Variants in OGDH observed in about 807,000 individuals in gnomAD.
OGDH encodes the protein 2-oxoglutarate dehydrogenase complex component E1.
Under a neutral mutation model 116.6 loss-of-function variants are expected in OGDH, and 38 were observed. The observed-to-expected ratio is 0.33, with a 90% CI of 0.25 to 0.43. OGDH has a LOEUF of 0.43. Ranked by LOEUF, OGDH falls within the 20% of genes least tolerant of loss-of-function variation. OGDH has a pLI of 1.00. For missense variants in OGDH, 825 were observed against 1,357.2 expected (o/e 0.61, Z 6.16); for synonymous variants, 488 against 533.3 (o/e 0.92, Z 1.17).
chr7:44,638,562 C>T (rs1410131551), intron 2 of OGDH, among the ~76,000 whole-genome samples: 1 of 152,206 alleles, frequency 6.6e-6, no homozygotes, highest in African/African-American at 2.4e-5. Context: ...CCCCTGCCTA[C>T]ATCAGACTGC....
At chr7:44,613,930 C>T (rs896662990) in intron 1 of OGDH, among the ~76,000 whole-genome samples, 2 of 151,670 alleles carry the variant, frequency 1.3e-5, no homozygotes, top group African/African-American at 4.8e-5. Context: ...CCTCAGCCTC[C>T]CGAGTAGCTG....
intron 1 of OGDH, among the ~76,000 whole-genome samples, chr7:44,618,516 T>C (rs1275611005): frequency 6.6e-6 from 1 of 152,220 alleles, no homozygotes; most frequent in Admixed American, 6.5e-5. Context: ...TTTTTGTCCA[T>C]GATTCCTGGT....
At chr7:44,679,554 A>C (rs1562667138) in intron 9 of OGDH, among the ~76,000 whole-genome samples, 2 of 152,180 alleles carry the variant, frequency 1.3e-5, no homozygotes, top group Non-Finnish European at 2.9e-5. Context: ...GAACTCAGGG[A>C]GGTGCAGGTC....
chr7:44,707,404 G>A lies in OGDH; in HGVS notation c.2796+16G>A. 1 of 1,613,802 alleles carries A rather than the reference G, an allele frequency of 6.2e-7. No homozygotes were observed. Among genetic ancestry groups the A allele is most frequent in the South Asian group, 1.1e-5 (1 of 91,068 alleles). ...GATTGAGCAGGTGAGGGCAGGTGGT[G>A]CCATCAGGGTGTCCCCCCAGCGGGG... On this transcript the variant is annotated intron_variant, in intron 21 of 22. Coordinates refer to ENST00000222673, the MANE Select transcript of OGDH (RefSeq NM_002541.4). This position sits in a 1 kb window ranked among gnomAD's most constrained non-coding sequence, Gnocchi z 5.2.
chr7:44,687,924 C>G (rs1027150443), intron 10 of OGDH, among the ~76,000 whole-genome samples: 3 of 152,138 alleles, frequency 2.0e-5, no homozygotes, highest in African/African-American at 7.2e-5. Flanking sequence ...TCCTACCCCT[C>G]CATCCTCCCA....
At chr7:44,691,562 A>T (rs2116321467) in intron 10 of OGDH, among the ~76,000 whole-genome samples, 2 of 152,076 alleles carry the variant, frequency 1.3e-5, no homozygotes, top group Admixed American at 1.3e-4. Flanking sequence ...TTTTTGTCAA[A>T]ACCATATTTG....
At chr7:44,651,893 G>T (rs1003797921) in intron 4 of OGDH, among the ~76,000 whole-genome samples, 1 of 151,078 alleles carries the variant, frequency 6.6e-6, no homozygotes, top group Non-Finnish European at 1.5e-5. Context: ...GTAGAGACAG[G>T]GTTTCACCAC....
intron 7 of OGDH, 80 bp from the exon 8 acceptor site, chr7:44,675,098 G>A: frequency 9.1e-7 from 1 of 1,098,196 alleles, no homozygotes; most frequent in South Asian, 1.3e-5. Flanking sequence ...GAGGGGGAGG[G>A]GGGGATTGTA....
At chr7:44,700,551 G>A (rs534586869) in intron 19 of OGDH, among the ~76,000 whole-genome samples, 1 of 152,354 alleles carries the variant, frequency 6.6e-6, no homozygotes, top group South Asian at 2.1e-4. Context: ...CCGGTGGGGA[G>A]GACGGATGTT....
intron 10 of OGDH, among the ~76,000 whole-genome samples, chr7:44,690,699 T>C (rs908170305): frequency 1.1e-4 from 17 of 152,208 alleles, no homozygotes; most frequent in African/African-American, 3.4e-4. Flanking sequence ...CATCCATATG[T>C]GCATGAAGGC....
rs570385969 is a variant in OGDH, at chr7:44,699,795, G to A, written c.2431-346G>A. Among the ~76,000 whole-genome samples the A allele has an allele frequency of 9.8e-5, 15 of 152,304 alleles. No homozygotes were observed. The East Asian group carries it at 2.9e-3, about 29-fold the overall frequency. On this transcript the variant is annotated intron_variant, in intron 18 of 22. Coordinates refer to ENST00000222673, the MANE Select transcript of OGDH (RefSeq NM_002541.4). ...TGATGCTGGCATCTGCTCAGCTTCTGGGGAGGCCTCAGGAAGCTTACAATC... is the reference window on the plus strand; with the variant it reads ...TGATGCTGGCATCTGCTCAGCTTCTAGGGAGGCCTCAGGAAGCTTACAATC...
In OGDH at chr7:44,686,385, C is replaced by T. The variant is rs375222720; in HGVS notation, c.1335+4537C>T. Among the ~76,000 whole-genome samples the T allele has an allele frequency of 1.2e-4, 18 of 152,242 alleles. No individual in the cohort carries two copies. In the East Asian group the frequency reaches 2.5e-3, roughly 21 times the overall value. The stretch of plus-strand genomic sequence containing the variant: ...ATGGATGCTTATTTTTGTCAGTGCT[C>T]TTCTGCATCCATTGAGATGACCATA... On this transcript the variant is annotated intron_variant, in intron 10 of 22. Transcript: ENST00000222673.
Position 44,696,409 on chromosome 7 carries a change from AGTT to A in OGDH, c.1772-16_1772-14del. The stretch of plus-strand genomic sequence containing the variant: ...AAAAGTAGAGCAGATGTCATGCCTC[AGTT>A]GTTCTTCTTCTCCTAGGCTTCTTCA... On this transcript the variant is annotated splice_polypyrimidine_tract_variant and intron_variant, in intron 13 of 22. Transcript: ENST00000222673. The A allele has an allele frequency of 6.2e-7, 1 of 1,607,610 alleles. No homozygotes were observed. The highest frequency in any genetic ancestry group is 8.5e-7 in the Non-Finnish European group (1 of 1,177,624).
At chr7:44,639,409 A>T (rs1482466540) in intron 2 of OGDH, among the ~76,000 whole-genome samples, 1 of 152,078 alleles carries the variant, frequency 6.6e-6, no homozygotes, top group Non-Finnish European at 1.5e-5. Context: ...GGTGCCTGGG[A>T]GCTCTGGTAC....
At chr7:44,701,703 C>T in intron 20 of OGDH, 88 bp downstream of exon 20, 2 of 1,277,664 alleles carry the variant, frequency 1.6e-6, no homozygotes, top group Non-Finnish European at 2.3e-6. Flanking sequence ...ATGGGACTGA[C>T]ATTTGTGATT....
At chr7:44,638,744 G>A (rs1785787457) in intron 2 of OGDH, among the ~76,000 whole-genome samples, 3 of 152,240 alleles carry the variant, frequency 2.0e-5, no homozygotes, top group Non-Finnish European at 4.4e-5. Flanking sequence ...CAGCCACCAG[G>A]TGCCACCTTT....
At chr7:44,698,362 G>A (rs576103612) in intron 18 of OGDH, 99 bp downstream of exon 18, 109 of 1,247,436 alleles carry the variant, frequency 8.7e-5, no homozygotes, top group Admixed American at 1.3e-4. Flanking sequence ...GTGGCAGACC[G>A]TGCCTCTGTC....
intron 2 of OGDH, among the ~76,000 whole-genome samples, chr7:44,626,306 TAC>T (rs374833881): frequency 0.12 from 16,864 of 136,630 alleles, 1,820 homozygotes; most frequent in East Asian, 0.43. Context: ...CACACACCCC[TAC>T]ACACACACAC....
At chr7:44,650,327 A>T (rs1379505420) in intron 4 of OGDH, among the ~76,000 whole-genome samples, 2 of 152,166 alleles carry the variant, frequency 1.3e-5, no homozygotes, top group African/African-American at 4.8e-5. Flanking sequence ...TTTGAACCTC[A>T]GAGAGCCGGG....
Sources: allele counts gnomAD v4.1 joint callset (sites outside exome capture counted in the v4.1 genomes callset), GRCh38; gene constraint gnomAD v4.1.1; non-coding constraint Gnocchi (gnomAD v3.1); transcripts MANE v1.5; gene names NCBI Gene and HGNC (gene_info 2026-07-23, HGNC 2026-07-21).